Variants in CLNK observed in about 807,000 individuals in gnomAD.
CLNK encodes the protein cytokine-dependent hematopoietic cell linker.
CLNK carries 74 observed loss-of-function variants against 68.6 expected under a neutral mutation model. The ratio of observed to expected loss-of-function variants is 1.08; its 90% CI spans 0.89 to 1.31. CLNK has a LOEUF of 1.31. Ranked by LOEUF, CLNK falls within the 50% of genes most tolerant of loss-of-function variation. The pLI is 0.00. For missense variants in CLNK, 553 were observed against 515.3 expected (o/e 1.07, Z -0.71); for synonymous variants, 198 against 172.2 (o/e 1.15, Z -1.17).
chr4:10,595,923 T>A (rs1292677654), intron 3 of CLNK, among the ~76,000 whole-genome samples: 2 of 152,200 alleles, frequency 1.3e-5, no homozygotes, highest in African/African-American at 4.8e-5. Context: ...AATGAGAACC[T>A]ACTCTATTCC....
In CLNK at chr4:10,540,533, G is replaced by T. The variant is rs760378165; in HGVS notation, c.563C>A (p.Ser188Tyr). 6.2e-7 allele frequency: 1 copy of T among 1,613,834 alleles called. No individual in the cohort carries two copies. Among genetic ancestry groups the T allele is most frequent in the East Asian group, 2.2e-5 (1 of 44,878 alleles). ...PEPESSRPPL[S>Y]QRHTFPEVQR... ...GACTTCTGGAAAGGTGTGTCTCTGA[G>T]ATAAAGGTGGCCTGCTGCTCTCCGG... Residue 188 changes from serine to tyrosine, a missense_variant, in exon 11 of 19, where the codon TCT becomes TAT. Coordinates refer to ENST00000226951, the MANE Select transcript of CLNK (RefSeq NM_052964.4).
chr4:10,734,024 G>T, the CLNK span, among the ~76,000 whole-genome samples: 7 of 152,088 alleles, frequency 4.6e-5, no homozygotes, highest in Non-Finnish European at 8.8e-5. Context: ...TTTTCCTTTG[G>T]AGTGGAATAG....
the CLNK span, among the ~76,000 whole-genome samples, chr4:10,704,956 A>G: frequency 2.6e-5 from 4 of 152,182 alleles, no homozygotes; most frequent in African/African-American, 9.7e-5. Context: ...AATGTGGTCA[A>G]TTTGGCATCT....
At chr4:10,639,377 T>C (rs1365593536) in intron 2 of CLNK, among the ~76,000 whole-genome samples, 1 of 152,226 alleles carries the variant, frequency 6.6e-6, no homozygotes, top group Non-Finnish European at 1.5e-5. Context: ...GCTCAGGCAA[T>C]GATCAACTGG....
chr4:10,642,518 G>A (rs1723348057), intron 2 of CLNK, among the ~76,000 whole-genome samples: 1 of 152,134 alleles, frequency 6.6e-6, no homozygotes, highest in South Asian at 2.1e-4. Context: ...ATAGAAGCAG[G>A]GAGGAAAGAA....
At chr4:10,625,554 A>G (rs1722634803) in intron 2 of CLNK, among the ~76,000 whole-genome samples, 1 of 152,184 alleles carries the variant, frequency 6.6e-6, no homozygotes, top group Admixed American at 6.5e-5. Context: ...AGAGGGAGAG[A>G]CAGAGAAGGA....
At chr4:10,709,240 C>A in the CLNK span, among the ~76,000 whole-genome samples, 4 of 152,174 alleles carry the variant, frequency 2.6e-5, no homozygotes, top group African/African-American at 9.7e-5. Context: ...TTTACATAGA[C>A]TATCTATAAA....
intron 5 of CLNK, among the ~76,000 whole-genome samples, chr4:10,569,541 T>C (rs1720260611): frequency 6.6e-6 from 1 of 152,176 alleles, no homozygotes; most frequent in South Asian, 2.1e-4. Context: ...GTTTGAGCCA[T>C]CCAGTTTATG....
chr4:10,523,590 G>T (rs1043233873), intron 14 of CLNK, among the ~76,000 whole-genome samples: 4 of 139,602 alleles, frequency 2.9e-5, no homozygotes, highest in African/African-American at 1.0e-4. Context: ...GGGTCTTTAT[G>T]TAATAAATGA....
chr4:10,557,702 A>C (rs939499318), intron 8 of CLNK, among the ~76,000 whole-genome samples: 1 of 152,216 alleles, frequency 6.6e-6, no homozygotes. Context: ...TTGGGACTCT[A>C]ACTGGTACAC....
chr4:10,616,374 A>T (rs920889522), intron 2 of CLNK, among the ~76,000 whole-genome samples: 5 of 152,248 alleles, frequency 3.3e-5, no homozygotes, highest in African/African-American at 7.2e-5. Context: ...ATTTAACTTA[A>T]CAGTATGCTG....
intron 2 of CLNK, among the ~76,000 whole-genome samples, chr4:10,631,521 C>A (rs753580132): frequency 1.5e-4 from 23 of 150,182 alleles, no homozygotes; most frequent in Admixed American, 2.6e-4. Context: ...AAGATGAGGA[C>A]CCTTGGTGGA....
At chr4:10,657,704 C>G (rs1040364810) in intron 2 of CLNK, among the ~76,000 whole-genome samples, 5 of 152,148 alleles carry the variant, frequency 3.3e-5, no homozygotes, top group African/African-American at 1.2e-4. Flanking sequence ...GCAGCCTACC[C>G]AAAAGGAGGC....
intron 8 of CLNK, among the ~76,000 whole-genome samples, chr4:10,542,575 G>A (rs1183717728): frequency 2.6e-5 from 4 of 151,676 alleles, no homozygotes; most frequent in South Asian, 2.1e-4. Context: ...ATTGCACATC[G>A]TGTGACTCTT....
At chr4:10,703,518 C>T in the CLNK span, among the ~76,000 whole-genome samples, 7 of 152,066 alleles carry the variant, frequency 4.6e-5, no homozygotes, top group Admixed American at 6.6e-5. Flanking sequence ...TTAGTATAAC[C>T]GAGAGGTACA....
intron 1 of CLNK, among the ~76,000 whole-genome samples, chr4:10,676,010 G>C (rs1724856787): frequency 6.6e-6 from 1 of 151,926 alleles, no homozygotes. Context: ...TTGAGAAAGG[G>C]AGCATGTGTG....
chr4:10,557,185 C>T (rs1434669248), intron 8 of CLNK, among the ~76,000 whole-genome samples: 2 of 152,060 alleles, frequency 1.3e-5, no homozygotes, highest in South Asian at 2.1e-4. Context: ...TAGGTTTTGG[C>T]TACTCTCTGT....
At chr4:10,543,367 T>C (rs914188740) in intron 8 of CLNK, among the ~76,000 whole-genome samples, 3 of 152,246 alleles carry the variant, frequency 2.0e-5, no homozygotes, top group Non-Finnish European at 4.4e-5. Context: ...GTCTATCTTT[T>C]GTTATAGGAG....
the CLNK span, among the ~76,000 whole-genome samples, chr4:10,721,609 T>G: frequency 6.6e-6 from 1 of 152,232 alleles, no homozygotes; most frequent in Admixed American, 6.5e-5. Flanking sequence ...ATGAAGTCAA[T>G]TTGTCCACAC....
Sources: allele counts gnomAD v4.1 joint callset (sites outside exome capture counted in the v4.1 genomes callset), GRCh38; gene constraint gnomAD v4.1.1; transcripts MANE v1.5; gene names NCBI Gene and HGNC (gene_info 2026-07-23, HGNC 2026-07-21).